MAST4: variants seen among roughly 807,000 people sequenced by gnomAD.
MAST4 encodes microtubule-associated serine/threonine-protein kinase 4.
A neutral mutation model predicts 162.7 loss-of-function variants in MAST4; 89 were observed. The ratio of observed to expected loss-of-function variants is 0.55; its 90% CI spans 0.46 to 0.65. MAST4 has a LOEUF of 0.65. Among genes scored for constraint, MAST4 ranks in the 30% least tolerant of loss-of-function variants. The probability of loss-of-function intolerance (pLI) is 0.00; values close to 1 mark genes in which losing one functional copy is unlikely to be tolerated. For missense variants in MAST4, 3,153 were observed against 3,374.0 expected, an observed-to-expected ratio of 0.93 and a Z score of 1.62; for synonymous variants, 1,479 against 1,361.1, an observed-to-expected ratio of 1.09 and a Z score of -1.91.
chr5:67,161,227 T>C (rs1773147153), intron 27 of MAST4, among the ~76,000 whole-genome samples: 1 of 152,196 alleles, frequency 6.6e-6, no homozygotes, highest in Non-Finnish European at 1.5e-5. Context: ...AGCATTTCTT[T>C]ACTCAATTGG....
intron 3 of MAST4, among the ~76,000 whole-genome samples, chr5:66,865,812 C>T (rs908298465): frequency 1.3e-5 from 2 of 152,232 alleles, no homozygotes; most frequent in African/African-American, 4.8e-5. Flanking sequence ...CGGTGGCTCA[C>T]GCCTGTAATC....
intron 4 of MAST4, among the ~76,000 whole-genome samples, chr5:67,035,912 C>T (rs959328360): frequency 1.3e-5 from 2 of 152,092 alleles, no homozygotes; most frequent in African/African-American, 2.4e-5. Flanking sequence ...AGGCCAGACA[C>T]CACTGCCTCC....
At chr5:66,921,999 C>T (rs898349251) in intron 4 of MAST4, among the ~76,000 whole-genome samples, 1 of 152,014 alleles carries the variant, frequency 6.6e-6, no homozygotes, top group African/African-American at 2.4e-5. Context: ...CTTTATTTTG[C>T]CTTAGTCCAC....
chr5:67,003,497 C>A (rs1751525649), intron 4 of MAST4, among the ~76,000 whole-genome samples: 1 of 152,190 alleles, frequency 6.6e-6, no homozygotes, highest in South Asian at 2.1e-4. Context: ...TTTATCCTCC[C>A]ATTTTTGTAA....
chr5:66,687,326 G>A (rs1748725666), intron 1 of MAST4, among the ~76,000 whole-genome samples: 1 of 152,068 alleles, frequency 6.6e-6, no homozygotes, highest in African/African-American at 2.4e-5. Context: ...ATGAGAACAT[G>A]CAGTATTTGA....
At chr5:66,700,548 G>A (rs1448406778) in intron 1 of MAST4, among the ~76,000 whole-genome samples, 4 of 151,988 alleles carry the variant, frequency 2.6e-5, no homozygotes, top group Middle Eastern at 3.2e-3. Flanking sequence ...CGGGCTGGTG[G>A]TAGTGGGCAC....
chr5:66,673,927 C>T (rs760176965), intron 1 of MAST4, among the ~76,000 whole-genome samples: 1 of 152,100 alleles, frequency 6.6e-6, no homozygotes, highest in Non-Finnish European at 1.5e-5. Context: ...GAAACTATAC[C>T]TTGTATTTTT....
chr5:67,005,078 A>G (rs763303582), intron 4 of MAST4: 18 of 762,926 alleles, frequency 2.4e-5, no homozygotes, highest in South Asian at 2.2e-4. Context: ...GCTTCGGCGA[A>G]CACAAAGGTA....
At chr5:66,777,244 A>C (rs995811988) in intron 2 of MAST4, among the ~76,000 whole-genome samples, 2 of 152,202 alleles carry the variant, frequency 1.3e-5, no homozygotes, top group African/African-American at 4.8e-5. Context: ...CCAGTGCTGG[A>C]AAGAATTTGA....
At chr5:66,984,536 T>C (rs755130301) in intron 4 of MAST4, among the ~76,000 whole-genome samples, 1 of 152,216 alleles carries the variant, frequency 6.6e-6, no homozygotes, top group African/African-American at 2.4e-5. Context: ...GGAAAACACT[T>C]GATATTGTAA....
intron 4 of MAST4, among the ~76,000 whole-genome samples, chr5:66,972,253 G>A (rs180853117): frequency 6.6e-5 from 10 of 152,268 alleles, no homozygotes; most frequent in Admixed American, 2.0e-4. Flanking sequence ...AACTGGGAGA[G>A]CTGTACTAAT....
In MAST4 at chr5:66,641,844, T is replaced by A. The variant is rs150075765; in HGVS notation, c.363+44826T>A. On this transcript the variant is annotated intron_variant, in intron 1 of 28. Transcript: ENST00000403625. ...ACTTCAAAATTATACCAAAAAAACCTAGTTAGTCACCTTTGAAGGATTGGC... is the reference window on the plus strand; with the variant it reads ...ACTTCAAAATTATACCAAAAAAACCAAGTTAGTCACCTTTGAAGGATTGGC... Among the ~76,000 whole-genome samples the A allele has an allele frequency of 9.3e-3, 1,419 of 152,292 alleles. 17 individuals are homozygous for A. The highest frequency in any genetic ancestry group is 0.033 in the African/African-American group (1,355 of 41,558).
chr5:66,908,870 A>G (rs986382915), intron 4 of MAST4, among the ~76,000 whole-genome samples: 2 of 152,140 alleles, frequency 1.3e-5, no homozygotes, highest in African/African-American at 4.8e-5. Context: ...CTTAACCTCT[A>G]TGTGCCTTAG....
chr5:66,656,591 A>C (rs1000134175), intron 1 of MAST4, among the ~76,000 whole-genome samples: 2 of 152,140 alleles, frequency 1.3e-5, no homozygotes, highest in African/African-American at 4.8e-5. Flanking sequence ...GTGGGACTCT[A>C]GATTCGATTA....
intron 3 of MAST4, among the ~76,000 whole-genome samples, chr5:66,837,478 AT>A (rs1039305951): frequency 1.3e-5 from 2 of 152,024 alleles, no homozygotes; most frequent in Admixed American, 1.3e-4. Flanking sequence ...TTTATGTAGT[AT>A]TTAGCACCAT....
rs192555957 is a variant in MAST4 at position 66,703,946 on chromosome 5, A to G, written c.364-55763A>G. 3.9e-5 allele frequency among the ~76,000 whole-genome samples: 6 copies of G among 152,322 alleles called. No homozygotes were observed. The East Asian group carries it at 1.2e-3, about 29-fold the overall frequency. On this transcript the variant is annotated intron_variant, in intron 1 of 28. Transcript: ENST00000403625. Reference sequence around the variant, plus strand: ...CACAACAAACAACATTACCTTGTCCATGTTTTACATAAAGTATAAGAGTGT... The same window carrying G: ...CACAACAAACAACATTACCTTGTCCGTGTTTTACATAAAGTATAAGAGTGT...
chr5:67,027,092 G>T (rs557719775), intron 4 of MAST4, among the ~76,000 whole-genome samples: 1 of 152,068 alleles, frequency 6.6e-6, no homozygotes, highest in Non-Finnish European at 1.5e-5. Context: ...CAGAGTTATT[G>T]CTACAAAATA....
At chr5:66,884,952 G>C (rs1251698821) in intron 3 of MAST4, among the ~76,000 whole-genome samples, 2 of 152,148 alleles carry the variant, frequency 1.3e-5, no homozygotes, top group African/African-American at 4.8e-5. Context: ...TATCATTTGG[G>C]CTGAATCTTG....
At chr5:66,796,113 G>C (rs1224400488) in intron 3 of MAST4, among the ~76,000 whole-genome samples, 1 of 152,190 alleles carries the variant, frequency 6.6e-6, no homozygotes, top group Non-Finnish European at 1.5e-5. Context: ...CATCCACAGA[G>C]TAGCTGGTTT....
Sources: allele counts gnomAD v4.1 joint callset (sites outside exome capture counted in the v4.1 genomes callset), GRCh38; gene constraint gnomAD v4.1.1; transcripts MANE v1.5; gene names NCBI Gene and HGNC (gene_info 2026-07-23, HGNC 2026-07-21).